AGMO: variants seen among roughly 807,000 people sequenced by gnomAD.
The protein encoded by AGMO is alkylglycerol monooxygenase.
AGMO carries 75 observed loss-of-function variants against 60.2 expected under a neutral mutation model. That is an observed-to-expected ratio of 1.25 (90% CI 1.03 to 1.51). AGMO has a LOEUF of 1.51. Among genes scored for constraint, AGMO ranks in the 40% most tolerant of loss-of-function variants. AGMO has a pLI of 0.00. For missense variants in AGMO, 763 were observed against 525.5 expected (o/e 1.45, Z -4.42); for synonymous variants, 261 against 177.1 (o/e 1.47, Z -3.76).
chr7:15,522,787 C>A (rs1348225606), intron 3 of AGMO, among the ~76,000 whole-genome samples: 3 of 151,692 alleles, frequency 2.0e-5, no homozygotes, highest in African/African-American at 7.3e-5. Context: ...TAGGCATGGG[C>A]AAATACTTCA....
chr7:15,491,918 G>A (rs1783076020), intron 3 of AGMO, among the ~76,000 whole-genome samples: 1 of 152,146 alleles, frequency 6.6e-6, no homozygotes, highest in African/African-American at 2.4e-5. Flanking sequence ...GGAGAAGGAA[G>A]GTATTGTCTT....
intron 12 of AGMO, among the ~76,000 whole-genome samples, chr7:15,316,143 T>G (rs939019586): frequency 6.6e-6 from 1 of 152,150 alleles, no homozygotes; most frequent in Non-Finnish European, 1.5e-5. Context: ...TTGTGCCCAT[T>G]GCATCTTGGT....
chr7:15,559,804 G>A (rs17168828), intron 2 of AGMO, among the ~76,000 whole-genome samples: 6,697 of 151,984 alleles, frequency 0.044, 514 homozygotes, highest in African/African-American at 0.15. Flanking sequence ...GGCTACACCC[G>A]AGACAGCTAT....
intron 3 of AGMO, among the ~76,000 whole-genome samples, chr7:15,526,808 C>T (rs2128538599): frequency 6.6e-6 from 1 of 152,310 alleles, no homozygotes; most frequent in African/African-American, 2.4e-5. Context: ...ATTTTTCCAA[C>T]AGCATGTGCT....
intron 3 of AGMO, among the ~76,000 whole-genome samples, chr7:15,494,800 A>G (rs1783178985): frequency 1.3e-5 from 2 of 152,224 alleles, no homozygotes; most frequent in Non-Finnish European, 2.9e-5. Context: ...CAGAATAAAT[A>G]TAGTGTCCTG....
chr7:15,546,637 G>A (rs1389557708), intron 2 of AGMO, among the ~76,000 whole-genome samples: 2 of 152,238 alleles, frequency 1.3e-5, no homozygotes, highest in African/African-American at 2.4e-5. Context: ...CCACACACAG[G>A]TGTGTGAGGT....
intron 2 of AGMO, among the ~76,000 whole-genome samples, chr7:15,550,311 A>G (rs1447583337): frequency 6.6e-6 from 1 of 152,078 alleles, no homozygotes; most frequent in Non-Finnish European, 1.5e-5. Flanking sequence ...AGAAATAACT[A>G]AAATCAGAGC....
intron 5 of AGMO, among the ~76,000 whole-genome samples, chr7:15,394,485 A>G (rs867814649): frequency 6.6e-5 from 10 of 152,190 alleles, no homozygotes; most frequent in African/African-American, 2.2e-4. Flanking sequence ...CTAGGTTTTC[A>G]TATCTCAATT....
chr7:15,126,729 T>G, the AGMO span, among the ~76,000 whole-genome samples: 1 of 152,112 alleles, frequency 6.6e-6, no homozygotes, highest in Admixed American at 6.5e-5. Context: ...CTGACATATC[T>G]TGAAATAACC....
chr7:15,395,672 A>C (rs370832916), intron 5 of AGMO, among the ~76,000 whole-genome samples: 6 of 152,324 alleles, frequency 3.9e-5, no homozygotes, highest in African/African-American at 1.4e-4. Context: ...CAAAATGGAT[A>C]TATAAATTTA....
intron 9 of AGMO, 43 bp from the exon 10 acceptor site, chr7:15,385,605 A>G (rs779760661): frequency 4.5e-6 from 5 of 1,116,232 alleles, no homozygotes; most frequent in East Asian, 2.4e-5. Flanking sequence ...CTCCAGACTC[A>G]TTTTTCTTAC....
intron 12 of AGMO, among the ~76,000 whole-genome samples, chr7:15,352,252 C>T (rs1372017007): frequency 6.6e-6 from 1 of 152,086 alleles, no homozygotes; most frequent in Admixed American, 6.6e-5. Flanking sequence ...CTTTCAAAGG[C>T]ATATAAGATG....
intron 3 of AGMO, among the ~76,000 whole-genome samples, chr7:15,473,818 A>G (rs10270461): frequency 0.043 from 6,494 of 152,162 alleles, 450 homozygotes; most frequent in African/African-American, 0.14. Context: ...CTATCATTTC[A>G]GCCTAAAATC....
the AGMO span, among the ~76,000 whole-genome samples, chr7:15,166,931 G>A: frequency 6.6e-6 from 1 of 152,142 alleles, no homozygotes; most frequent in African/African-American, 2.4e-5. Context: ...GAGAAATGCT[G>A]AATTCAAAAG....
chr7:15,301,220 C>G (rs1357394995), intron 12 of AGMO, among the ~76,000 whole-genome samples: 1 of 152,134 alleles, frequency 6.6e-6, no homozygotes, highest in Non-Finnish European at 1.5e-5. Flanking sequence ...AGGTGGATCA[C>G]TTGAGGTCAG....
chr7:15,206,051 G>GT (rs1011001633), intron 12 of AGMO, among the ~76,000 whole-genome samples: 9 of 151,608 alleles, frequency 5.9e-5, no homozygotes, highest in Non-Finnish European at 1.0e-4. Flanking sequence ...CAATGTTTTG[G>GT]TTTTTTTTGA....
intron 3 of AGMO, among the ~76,000 whole-genome samples, chr7:15,454,039 T>A (rs1225014740): frequency 6.7e-6 from 1 of 149,066 alleles, no homozygotes; most frequent in Admixed American, 6.7e-5. Context: ...TTTTTATATA[T>A]ATATACCACT....
chr7:15,526,167 C>T (rs1469580098), intron 3 of AGMO, among the ~76,000 whole-genome samples: 1 of 152,130 alleles, frequency 6.6e-6, no homozygotes, highest in South Asian at 2.1e-4. Flanking sequence ...GCAGCGAACC[C>T]GGGTGGGAGC....
chr7:15,312,035 C>G (rs1780782335), intron 12 of AGMO, among the ~76,000 whole-genome samples: 1 of 151,184 alleles, frequency 6.6e-6, no homozygotes, highest in African/African-American at 2.4e-5. Flanking sequence ...AAATGCATCA[C>G]TGGGAGAAAA....
Sources: allele counts gnomAD v4.1 joint callset (sites outside exome capture counted in the v4.1 genomes callset), GRCh38; gene constraint gnomAD v4.1.1; transcripts MANE v1.5; gene names NCBI Gene and HGNC (gene_info 2026-07-23, HGNC 2026-07-21).